The following WIPI2 variants were observed in gnomAD, a reference collection of about 807,000 sequenced individuals.
WIPI2 encodes the protein WD repeat domain phosphoinositide-interacting protein 2.
In WIPI2, 28 loss-of-function variants were observed where a neutral mutation model predicts 52.3. That is an observed-to-expected ratio of 0.54 (90% confidence interval 0.40 to 0.73). WIPI2 has a LOEUF of 0.73. WIPI2 is among the 30% of genes least tolerant of loss of function. The pLI is 0.00. For synonymous variants in WIPI2, 268 were observed against 245.0 expected (o/e 1.09, Z -0.88); for missense variants, 506 against 602.9 (o/e 0.84, Z 1.68).
chr7:5,222,520 C>A, intron 7 of WIPI2, 82 bp from the exon 8 acceptor site: 1 of 1,398,446 alleles, frequency 7.2e-7, no homozygotes, highest in Non-Finnish European at 1.0e-6. Context: ...AGCCGTGTGG[C>A]GCATTTGCAG....
At chr7:5,197,611 G>A (rs936763532) in intron 2 of WIPI2, among the ~76,000 whole-genome samples, 2 of 152,114 alleles carry the variant, frequency 1.3e-5, no homozygotes, top group Non-Finnish European at 2.9e-5. Context: ...ATAAATCAAT[G>A]TGATTTTACA....
In WIPI2 at chr7:5,228,754, A is replaced by G. The variant is rs1479836748; in HGVS notation, c.1121+543A>G. On this transcript the variant is annotated intron_variant, in intron 11 of 12. Coordinates refer to ENST00000288828, the MANE Select transcript of WIPI2 (RefSeq NM_015610.4). ...ACATATAATTTTTTATTTTAGAGATAGGGTCTCACCCTCGCCCAGGCTGGA... is the reference window on the plus strand; with the variant it reads ...ACATATAATTTTTTATTTTAGAGATGGGGTCTCACCCTCGCCCAGGCTGGA... Among the ~76,000 whole-genome samples, 7 of 152,202 alleles carry G rather than the reference A, an allele frequency of 4.6e-5. No homozygotes were observed. In the South Asian group the frequency reaches 1.4e-3, roughly 31 times the overall value.
intron 2 of WIPI2, 71 bp from the exon 3 acceptor site, chr7:5,199,505 T>G: frequency 7.2e-7 from 1 of 1,389,450 alleles, no homozygotes; most frequent in Non-Finnish European, 1.0e-6. Context: ...GCTGGGAACG[T>G]GGGAGCTGGT....
chr7:5,204,149 G>T (rs1782180492), intron 3 of WIPI2, among the ~76,000 whole-genome samples: 1 of 152,138 alleles, frequency 6.6e-6, no homozygotes, highest in African/African-American at 2.4e-5. Context: ...GGGTATGCGG[G>T]TTCCATGTAT....
At chr7:5,222,018 C>T (rs1562403877) in intron 7 of WIPI2, among the ~76,000 whole-genome samples, 1 of 149,738 alleles carries the variant, frequency 6.7e-6, no homozygotes, top group African/African-American at 2.5e-5. Flanking sequence ...GGTGCAGTCT[C>T]GGCTCACTGC....
chr7:5,212,085 C>T (rs1370821525), intron 3 of WIPI2, among the ~76,000 whole-genome samples: 1 of 152,164 alleles, frequency 6.6e-6, no homozygotes, highest in East Asian at 1.9e-4. Context: ...TTTAAAACAA[C>T]ACCATTTGGG....
chr7:5,222,153 T>C (rs934785837), intron 7 of WIPI2, among the ~76,000 whole-genome samples: 1 of 152,074 alleles, frequency 6.6e-6, no homozygotes, highest in Non-Finnish European at 1.5e-5. Context: ...TTCTCCATGT[T>C]GGTCAGGCTG....
Position 5,227,353 on chromosome 7 carries a change from A to G in WIPI2, c.1013+9A>G, listed in dbSNP as rs776560982. 1.9e-6 allele frequency: 3 copies of G among 1,611,370 alleles called. No homozygotes were observed. The highest frequency in any genetic ancestry group is 2.5e-6 in the Non-Finnish European group (3 of 1,179,684). On this transcript the variant is annotated intron_variant, in intron 10 of 12. Transcript: ENST00000288828. This position sits in a 1 kb window ranked among gnomAD's most constrained non-coding sequence, Gnocchi z 8.1. ...ATCTGCTCGCTAGCCACGTGAGTAG[A>G]GCCGGCGCCTCCGTCCCCCACCCCG... is the stretch of plus-strand genomic sequence containing the variant.
intron 3 of WIPI2, among the ~76,000 whole-genome samples, chr7:5,207,136 A>G (rs150559585): frequency 9.8e-4 from 149 of 152,220 alleles, no homozygotes; most frequent in African/African-American, 3.3e-3. Flanking sequence ...TCTCCTCAAT[A>G]CTGAGTAGAG....
chr7:5,211,523 C>T (rs1313464654), intron 3 of WIPI2, among the ~76,000 whole-genome samples: 3 of 152,252 alleles, frequency 2.0e-5, no homozygotes, highest in South Asian at 4.1e-4. Flanking sequence ...TGTAAAACAC[C>T]GTGAGTGTTT....
Position 5,231,569 on chromosome 7 carries a change from T to G in WIPI2, c.*622T>G, listed in dbSNP as rs777704153. 6.6e-6 allele frequency: 1 copy of G among 152,282 alleles called. No homozygotes were observed. The highest frequency in any genetic ancestry group is 1.5e-5 in the Non-Finnish European group (1 of 68,106). 9.4% of individuals were successfully genotyped at this position (152,282 alleles called of 1,614,324 possible). A position where few individuals can be genotyped will look rare whatever the true frequency, so the allele number is the denominator to read the frequency against. ...CATGGTGGACTTTTGTTTCTGATCT[T>G]GTTTTCCCTGTGGATATTGGAGGAC... is the stretch of plus-strand genomic sequence containing the variant. On this transcript the variant is annotated 3_prime_UTR_variant, in exon 13 of 13. Transcript: ENST00000288828.
intron 1 of WIPI2, 45 bp from the exon 2 acceptor site, chr7:5,193,073 G>A (rs752966190): frequency 1.3e-6 from 2 of 1,584,540 alleles, no homozygotes; most frequent in Non-Finnish European, 8.7e-7. Context: ...AGTTTTATTT[G>A]TTTTTTACCA....
chr7:5,218,143 C>T (rs1782918192), intron 7 of WIPI2, 129 bp downstream of exon 7: 2 of 962,506 alleles, frequency 2.1e-6, no homozygotes, highest in Admixed American at 2.1e-5. Flanking sequence ...AAGACAGCCA[C>T]CCACTTGTCA....
intron 11 of WIPI2, among the ~76,000 whole-genome samples, chr7:5,229,040 G>T (rs775327086): frequency 2.0e-5 from 3 of 151,590 alleles, no homozygotes; most frequent in Non-Finnish European, 2.9e-5. Context: ...GTGTGAAATG[G>T]AGTCTCACTC....
At position 5,232,043 on chromosome 7, in the gene WIPI2, T is replaced by C. The variant is rs1783747496; in HGVS notation, c.*1096T>C. ...TTGCCTCGCTTCCCTTCCCTTTTCA[T>C]ATTTACAGAATTAAAACAACCTCAA... On this transcript the variant is annotated 3_prime_UTR_variant, in exon 13 of 13. Coordinates refer to ENST00000288828, the MANE Select transcript of WIPI2 (RefSeq NM_015610.4). The C allele has an allele frequency of 5.0e-6, 2 of 397,642 alleles. No individual in the cohort carries two copies. The highest frequency in any genetic ancestry group is 4.4e-5 in the Admixed American group (1 of 22,686). The allele number at this position is 397,642 out of a possible 1,614,324, so 24.6% of individuals were successfully genotyped here.
intron 3 of WIPI2, among the ~76,000 whole-genome samples, chr7:5,208,510 C>A (rs1031583703): frequency 6.6e-6 from 1 of 151,602 alleles, no homozygotes; most frequent in African/African-American, 2.4e-5. Context: ...AGGTGTTTTC[C>A]TATGTGTTCT....
Position 5,190,242 on chromosome 7 carries a change from G to T in WIPI2, c.-178G>T. 6.2e-6 allele frequency: 2 copies of T among 320,090 alleles called. No homozygotes were observed. Among genetic ancestry groups the T allele is most frequent in the Non-Finnish European group, 1.1e-5 (2 of 184,534 alleles). The allele number at this position is 320,090 out of a possible 1,614,324, so 19.8% of individuals were successfully genotyped here. A position where few individuals can be genotyped will look rare whatever the true frequency, so the allele number is the denominator to read the frequency against. On this transcript the variant is annotated 5_prime_UTR_variant, in exon 1 of 13. Transcript: ENST00000288828. ...GCGGGGCCGCGCAGGCGTACCGGGT[G>T]CCCCGGCTCTGGAGCATAAACAAGA...
chr7:5,227,859 A>G lies in WIPI2; in HGVS notation c.1014-245A>G, dbSNP rs1268616193. Among the ~76,000 whole-genome samples, 2 of 152,148 alleles carry G rather than the reference A, an allele frequency of 1.3e-5. No individual in the cohort carries two copies. Among genetic ancestry groups the G allele is most frequent in the Non-Finnish European group, 2.9e-5 (2 of 68,038 alleles). On this transcript the variant is annotated intron_variant, in intron 10 of 12. Transcript: ENST00000288828. This position sits in a 1 kb window ranked among gnomAD's most constrained non-coding sequence, Gnocchi z 8.1. ...AACTTCTCTGACGATGACTACCTAT[A>G]ATAATCCCAGAAGCCACAAAACTGG...
Position 5,230,581 on chromosome 7 carries a change from C to T in WIPI2, c.1253-254C>T, listed in dbSNP as rs1328666502. 6.6e-6 allele frequency among the ~76,000 whole-genome samples: 1 copy of T among 152,172 alleles called. No homozygotes were observed. Among genetic ancestry groups the T allele is most frequent in the African/African-American group, 2.4e-5 (1 of 41,436 alleles). On this transcript the variant is annotated intron_variant, in intron 12 of 12. Coordinates refer to ENST00000288828, the MANE Select transcript of WIPI2 (RefSeq NM_015610.4). This position sits in a 1 kb window ranked among gnomAD's most constrained non-coding sequence, Gnocchi z 4.8. ...CAGCTTGAGAGAGTTTGTGGCCCGTCCATGAGGGAGCCTCTGTTTACTGTG... is the reference window on the plus strand; with the variant it reads ...CAGCTTGAGAGAGTTTGTGGCCCGTTCATGAGGGAGCCTCTGTTTACTGTG...
Sources: gnomAD v4.1 joint callset for allele counts (sites outside exome capture counted in the v4.1 genomes callset) on GRCh38, gnomAD v4.1.1 for gene constraint, Gnocchi (gnomAD v3.1) non-coding constraint, MANE v1.5 for transcripts, NCBI Gene and HGNC (gene_info 2026-07-23, HGNC 2026-07-21) for gene names.